PID1: variants seen among roughly 807,000 people sequenced by gnomAD.
PID1 encodes PTB-containing, cubilin and LRP1-interacting protein.
A neutral mutation model predicts 19.1 loss-of-function variants in PID1; 10 were observed. The observed-to-expected ratio is 0.52, with a 90% confidence interval of 0.32 to 0.89. PID1 has a LOEUF of 0.89. Ranked by LOEUF, PID1 falls within the 40% of genes least tolerant of loss-of-function variation. The pLI, the probability that PID1 is intolerant of heterozygous loss-of-function variation, is 0.03. For missense variants in PID1, 248 were observed against 285.3 expected (o/e 0.87, Z 0.94); for synonymous variants, 130 against 116.0 (o/e 1.12, Z -0.78).
At position 229,068,979 on chromosome 2, in the gene PID1, G is replaced by T. The variant is rs994540208; in HGVS notation, c.178-42871C>A. On this transcript the variant is annotated intron_variant, in intron 2 of 2. Coordinates refer to ENST00000392055, the MANE Select transcript of PID1 (RefSeq NM_001100818.2). ...CTCTCTCAGAGTGCCTACAAATTCT[G>T]CCCAGCAGCCCAGTGTCTTCTGTCC... Among the ~76,000 whole-genome samples, 5 of 152,058 alleles carry T rather than the reference G, an allele frequency of 3.3e-5. No homozygotes were observed. The East Asian group carries it at 9.6e-4, about 29-fold the overall frequency.
rs146325577 is a variant in PID1, at chr2:229,267,004, G to C, written c.30+4010C>G. Among the ~76,000 whole-genome samples, 149 of 152,294 alleles carry C rather than the reference G, an allele frequency of 9.8e-4. 1 individual carries two copies. Among genetic ancestry groups the C allele is most frequent in the African/African-American group, 3.3e-3 (137 of 41,564 alleles). On this transcript the variant is annotated intron_variant, in intron 1 of 2. Coordinates refer to ENST00000392055, the MANE Select transcript of PID1 (RefSeq NM_001100818.2). ...ACTTCTCAGGGGAAAAGTGAAAGTGGCATCATCATAGAGAAGAAAAATCTA... is the reference window on the plus strand; with the variant it reads ...ACTTCTCAGGGGAAAAGTGAAAGTGCCATCATCATAGAGAAGAAAAATCTA...
chr2:229,096,192 A>G (rs910137178), intron 2 of PID1, among the ~76,000 whole-genome samples: 1 of 152,204 alleles, frequency 6.6e-6, no homozygotes, highest in African/African-American at 2.4e-5. Context: ...TGGAGGTTGG[A>G]TCTAAGTAAA....
At chr2:229,062,340 T>C (rs1559215788) in intron 2 of PID1, among the ~76,000 whole-genome samples, 1 of 151,992 alleles carries the variant, frequency 6.6e-6, no homozygotes, top group Non-Finnish European at 1.5e-5. Flanking sequence ...TCTAAGAAGA[T>C]GATCTTATGG....
At chr2:229,123,476 C>A (rs1330554744) in intron 2 of PID1, among the ~76,000 whole-genome samples, 1 of 152,176 alleles carries the variant, frequency 6.6e-6, no homozygotes, top group Non-Finnish European at 1.5e-5. Context: ...AATAATGTTA[C>A]TATGAACATT....
chr2:229,098,253 T>A (rs1695009119), intron 2 of PID1, among the ~76,000 whole-genome samples: 1 of 152,212 alleles, frequency 6.6e-6, no homozygotes, highest in Non-Finnish European at 1.5e-5. Context: ...ATGTCCTTAT[T>A]TGTAAAATGA....
chr2:229,027,899 C>T (rs1224035601), intron 2 of PID1, among the ~76,000 whole-genome samples: 1 of 148,048 alleles, frequency 6.8e-6, no homozygotes, highest in Non-Finnish European at 1.5e-5. Context: ...CGTCGTTGCT[C>T]CTCTGGAATG....
chr2:229,235,196 G>A (rs1397921407), intron 1 of PID1, among the ~76,000 whole-genome samples: 1 of 152,184 alleles, frequency 6.6e-6, no homozygotes, highest in Non-Finnish European at 1.5e-5. Context: ...CCCTGTGGCG[G>A]GAGGAGCTCT....
At chr2:229,038,786 G>T (rs1324017050) in intron 2 of PID1, among the ~76,000 whole-genome samples, 2 of 152,154 alleles carry the variant, frequency 1.3e-5, no homozygotes, top group Non-Finnish European at 2.9e-5. Flanking sequence ...GAGGCAGAAA[G>T]GGAGGTAACC....
At chr2:229,089,976 C>T (rs1405525011) in intron 2 of PID1, among the ~76,000 whole-genome samples, 2 of 152,080 alleles carry the variant, frequency 1.3e-5, no homozygotes, top group Non-Finnish European at 2.9e-5. Flanking sequence ...AGTAAAAAAC[C>T]CATTTGGTTA....
chr2:229,059,952 C>T (rs746169920), intron 2 of PID1, among the ~76,000 whole-genome samples: 1 of 151,984 alleles, frequency 6.6e-6, no homozygotes, highest in African/African-American at 2.4e-5. Flanking sequence ...TTCTCAGGTC[C>T]TATTTTTTCC....
At chr2:229,095,562 A>G (rs1694957216) in intron 2 of PID1, among the ~76,000 whole-genome samples, 1 of 152,176 alleles carries the variant, frequency 6.6e-6, no homozygotes, top group Non-Finnish European at 1.5e-5. Flanking sequence ...GTGAAGAGAT[A>G]CTTGCATAAA....
intron 2 of PID1, among the ~76,000 whole-genome samples, chr2:229,072,514 G>A (rs192660778): frequency 7.2e-5 from 11 of 152,252 alleles, no homozygotes; most frequent in African/African-American, 2.2e-4. Flanking sequence ...CTTGAACCCG[G>A]GAAGTGGAGG....
intron 2 of PID1, among the ~76,000 whole-genome samples, chr2:229,037,479 T>G (rs1693688020): frequency 6.6e-6 from 1 of 152,100 alleles, no homozygotes; most frequent in Admixed American, 6.5e-5. Flanking sequence ...TTGTGCCCCA[T>G]TTTGCACTTA....
chr2:229,119,888 C>G (rs1015876362), intron 2 of PID1, among the ~76,000 whole-genome samples: 3 of 152,076 alleles, frequency 2.0e-5, no homozygotes, highest in Non-Finnish European at 4.4e-5. Flanking sequence ...GTTGGATTCC[C>G]ACTCCCTCTG....
At chr2:229,195,273 ACCT>A (rs2106235300) in intron 1 of PID1, among the ~76,000 whole-genome samples, 1 of 151,608 alleles carries the variant, frequency 6.6e-6, no homozygotes, top group Admixed American at 6.6e-5. Context: ...CCCCATTGAA[ACCT>A]CATTTTTTAT....
intron 2 of PID1, among the ~76,000 whole-genome samples, chr2:229,125,708 A>C (rs2106162362): frequency 6.6e-6 from 1 of 152,302 alleles, no homozygotes; most frequent in East Asian, 1.9e-4. Context: ...GGTTTTGCTG[A>C]AAATCTTCCC....
chr2:229,105,947 C>T (rs747895740), intron 2 of PID1, among the ~76,000 whole-genome samples: 19 of 151,818 alleles, frequency 1.3e-4, no homozygotes, highest in African/African-American at 2.2e-4. Flanking sequence ...GATGTGGTGG[C>T]GCGTGCCTGT....
chr2:229,230,852 C>T (rs951625321), intron 1 of PID1, among the ~76,000 whole-genome samples: 10 of 151,922 alleles, frequency 6.6e-5, no homozygotes, highest in Admixed American at 1.3e-4. Flanking sequence ...TATATAAACA[C>T]AATATAAAAT....
rs145490981 is a variant in PID1 at position 229,222,428 on chromosome 2, A to G, written c.30+48586T>C. On this transcript the variant is annotated intron_variant, in intron 1 of 2. Coordinates refer to ENST00000392055, the MANE Select transcript of PID1 (RefSeq NM_001100818.2). ...ATTTTTCTTCCCTTTTTCAATTAAC[A>G]TCATTAGTATTTCATACTACTATGT... Among the ~76,000 whole-genome samples, 455 of 152,338 alleles carry G rather than the reference A, an allele frequency of 3.0e-3. 1 individual carries two copies. The highest frequency in any genetic ancestry group is 0.02 in the Middle Eastern group (6 of 294).
Sources: gnomAD v4.1 joint callset for allele counts (sites outside exome capture counted in the v4.1 genomes callset) on GRCh38, gnomAD v4.1.1 for gene constraint, MANE v1.5 for transcripts, NCBI Gene and HGNC (gene_info 2026-07-23, HGNC 2026-07-21) for gene names.